The following ARK2C variants were observed in gnomAD, a reference collection of about 807,000 sequenced individuals.
ARK2C encodes E3 ubiquitin-protein ligase ARK2C.
chr18:46,373,563 A>T, the ARK2C span, among the ~76,000 whole-genome samples: 118 of 152,358 alleles, frequency 7.7e-4, no homozygotes, highest in African/African-American at 2.6e-3. Context: ...AACGAGAGAC[A>T]GCACAGTGCC....
chr18:46,370,975 G>A, the ARK2C span, among the ~76,000 whole-genome samples: 1 of 152,174 alleles, frequency 6.6e-6, no homozygotes, highest in South Asian at 2.1e-4. Context: ...GCGACACTGG[G>A]TAATTTATAA....
the ARK2C span, among the ~76,000 whole-genome samples, chr18:46,393,095 G>A: frequency 6.6e-6 from 1 of 152,214 alleles, no homozygotes; most frequent in Non-Finnish European, 1.5e-5. Flanking sequence ...AATGTGAGGA[G>A]TCACTTCCTG....
the ARK2C span, among the ~76,000 whole-genome samples, chr18:46,428,801 C>A: frequency 1.3e-5 from 2 of 152,140 alleles, no homozygotes; most frequent in Non-Finnish European, 2.9e-5. Context: ...TTAATTTCAA[C>A]TGTTTCTTTT....
chr18:46,404,815 AAAAC>A, the ARK2C span, among the ~76,000 whole-genome samples: 17,451 of 151,948 alleles, frequency 0.11, 1,165 homozygotes, highest in East Asian at 0.27. Context: ...CCCCCCCACC[AAAAC>A]AAACAAACAA....
the ARK2C span, among the ~76,000 whole-genome samples, chr18:46,437,989 A>G: frequency 6.6e-6 from 1 of 152,184 alleles, no homozygotes; most frequent in African/African-American, 2.4e-5. Context: ...GGAGTCACCC[A>G]TAGGATGGTG....
At chr18:46,353,930 T>C in the ARK2C span, among the ~76,000 whole-genome samples, 1 of 152,064 alleles carries the variant, frequency 6.6e-6, no homozygotes, top group African/African-American at 2.4e-5. Context: ...AAGGGTTTTA[T>C]TGGAAGCCTG....
the ARK2C span, among the ~76,000 whole-genome samples, chr18:46,387,728 G>C: frequency 8.8e-3 from 1,342 of 152,392 alleles, 12 homozygotes; most frequent in African/African-American, 0.03. Flanking sequence ...CGCTGGGACG[G>C]GAGAAGCTTC....
the ARK2C span, among the ~76,000 whole-genome samples, chr18:46,361,466 C>T: frequency 6.6e-6 from 1 of 152,000 alleles, no homozygotes; most frequent in South Asian, 2.1e-4. Context: ...ATCCAGTGTC[C>T]AAAAAAAGGC....
At chr18:46,353,302 C>T in the ARK2C span, among the ~76,000 whole-genome samples, 1 of 152,220 alleles carries the variant, frequency 6.6e-6, no homozygotes, top group Non-Finnish European at 1.5e-5. Context: ...CTTTTCTCAT[C>T]TGAGAGACGG....
chr18:46,427,777 G>A, the ARK2C span, among the ~76,000 whole-genome samples: 1 of 152,246 alleles, frequency 6.6e-6, no homozygotes, highest in African/African-American at 2.4e-5. Context: ...CCAGCCTGGT[G>A]GGGGCGGCCA....
the ARK2C span, among the ~76,000 whole-genome samples, chr18:46,451,565 A>G: frequency 6.6e-6 from 1 of 152,166 alleles, no homozygotes. Context: ...AAGGCTAAGG[A>G]TGGAGAATCA....
the ARK2C span, among the ~76,000 whole-genome samples, chr18:46,351,866 G>A: frequency 3.3e-5 from 5 of 152,256 alleles, no homozygotes; most frequent in South Asian, 2.1e-4. Context: ...CTCAGCAAAC[G>A]GTAAATCTAT....
the ARK2C span, among the ~76,000 whole-genome samples, chr18:46,433,802 C>T: frequency 6.6e-6 from 1 of 152,238 alleles, no homozygotes; most frequent in South Asian, 2.1e-4. Context: ...CACCCAGGTG[C>T]AGGGTCGGGG....
the ARK2C span, chr18:46,334,250 C>T: frequency 1.4e-6 from 2 of 1,462,296 alleles, no homozygotes; most frequent in Non-Finnish European, 1.8e-6. This position sits in a 1 kb window ranked among gnomAD's most constrained non-coding sequence, Gnocchi z 4.4. Flanking sequence ...CAGCCGCCGC[C>T]GCCGCCGCCG....
the ARK2C span, among the ~76,000 whole-genome samples, chr18:46,423,169 C>A: frequency 3.3e-5 from 5 of 152,168 alleles, no homozygotes; most frequent in African/African-American, 9.7e-5. Context: ...TGGGGGATGT[C>A]CAAAGGCCCT....
chr18:46,389,231 G>C, the ARK2C span, among the ~76,000 whole-genome samples: 1 of 152,202 alleles, frequency 6.6e-6, no homozygotes, highest in South Asian at 2.1e-4. Flanking sequence ...AAAGTTAAGT[G>C]CACGAGCATT....
chr18:46,371,963 C>G, the ARK2C span, among the ~76,000 whole-genome samples: 1 of 152,186 alleles, frequency 6.6e-6, no homozygotes, highest in African/African-American at 2.4e-5. Flanking sequence ...TGACTCCTAA[C>G]GTACTAGACT....
chr18:46,355,204 C>T, the ARK2C span, among the ~76,000 whole-genome samples: 2 of 152,114 alleles, frequency 1.3e-5, no homozygotes, highest in Non-Finnish European at 2.9e-5. Flanking sequence ...CCACCCACTT[C>T]GGCATCCCAA....
chr18:46,353,575 C>T, the ARK2C span, among the ~76,000 whole-genome samples: 4 of 152,298 alleles, frequency 2.6e-5, no homozygotes, highest in Admixed American at 6.5e-5. Context: ...ACCTAAAAAC[C>T]CTTAATCCCA....
Sources: allele counts gnomAD v4.1 joint callset (sites outside exome capture counted in the v4.1 genomes callset), GRCh38; gene constraint gnomAD v4.1.1; non-coding constraint Gnocchi (gnomAD v3.1); transcripts MANE v1.5; gene names NCBI Gene and HGNC (gene_info 2026-07-23, HGNC 2026-07-21).